RORA: variants seen among roughly 807,000 people sequenced by gnomAD.
The protein encoded by RORA is RAR related orphan receptor A.
RORA carries 7 observed loss-of-function variants against 69.5 expected under a neutral mutation model. The ratio of observed to expected loss-of-function variants is 0.10; its 90% CI spans 0.06 to 0.19. The LOEUF (loss-of-function observed/expected upper bound fraction) is 0.19, where lower values mean the gene tolerates loss of function less well. Among genes scored for constraint, RORA ranks in the 10% least tolerant of loss-of-function variants. The pLI, the probability that RORA is intolerant of heterozygous loss-of-function variation, is 1.00. For missense variants in RORA, 457 were observed against 663.0 expected (o/e 0.69, Z 3.41); for synonymous variants, 261 against 240.8 (o/e 1.08, Z -0.78).
chr15:60,892,651 T>C (rs930316067), intron 1 of RORA, among the ~76,000 whole-genome samples: 2 of 152,322 alleles, frequency 1.3e-5, no homozygotes, highest in South Asian at 2.1e-4. Context: ...GTAGAGGAAG[T>C]TGAAGCCACA....
intron 2 of RORA, among the ~76,000 whole-genome samples, chr15:60,560,281 G>A (rs2067493074): frequency 6.6e-6 from 1 of 151,942 alleles, no homozygotes; most frequent in Non-Finnish European, 1.5e-5. Context: ...GTGTTCTCAA[G>A]AATGCTTTCT....
At chr15:60,612,195 C>T (rs28744635) in intron 2 of RORA, among the ~76,000 whole-genome samples, 55,833 of 152,074 alleles carry the variant, frequency 0.37, 10,454 homozygotes, top group African/African-American at 0.44. Context: ...AGGGCCAGGA[C>T]TGGCCAGCAA....
intron 1 of RORA, among the ~76,000 whole-genome samples, chr15:60,940,411 T>C (rs1235422047): frequency 6.6e-6 from 1 of 152,254 alleles, no homozygotes; most frequent in Non-Finnish European, 1.5e-5. Context: ...AAAAAGAATA[T>C]GTATTATATT....
At chr15:60,597,022 C>CTG (rs1341917779) in intron 2 of RORA, among the ~76,000 whole-genome samples, 2 of 152,152 alleles carry the variant, frequency 1.3e-5, no homozygotes, top group Non-Finnish European at 2.9e-5. Context: ...ATCAGCTGAC[C>CTG]TGTGCTCTGA....
intron 1 of RORA, among the ~76,000 whole-genome samples, chr15:60,989,339 GTCTT>G (rs1205673215): frequency 6.6e-6 from 1 of 152,136 alleles, no homozygotes; most frequent in Non-Finnish European, 1.5e-5. Flanking sequence ...TTTGTGTATG[GTCTT>G]TCTTTTAGCT....
intron 1 of RORA, among the ~76,000 whole-genome samples, chr15:61,023,207 A>AC (rs1895633246): frequency 6.6e-6 from 1 of 151,164 alleles, no homozygotes; most frequent in Non-Finnish European, 1.5e-5. Flanking sequence ...AAAAAAAAAA[A>AC]AAAACTGACA....
intron 1 of RORA, among the ~76,000 whole-genome samples, chr15:61,125,433 C>T (rs909454169): frequency 2.4e-4 from 36 of 152,070 alleles, no homozygotes; most frequent in African/African-American, 8.0e-4. Context: ...TCCACTAACC[C>T]GACAAAAAGA....
intron 1 of RORA, among the ~76,000 whole-genome samples, chr15:61,167,235 AT>A (rs987084921): frequency 4.0e-5 from 6 of 151,656 alleles, no homozygotes; most frequent in South Asian, 4.2e-4. Flanking sequence ...ACTTTAAAAG[AT>A]TTTTTTTTCC....
chr15:60,942,079 T>C (rs1018959805), intron 1 of RORA, among the ~76,000 whole-genome samples: 4 of 152,092 alleles, frequency 2.6e-5, no homozygotes, highest in Non-Finnish European at 4.4e-5. Context: ...TTCCCCCTAA[T>C]TTTTTAAAAA....
intron 2 of RORA, among the ~76,000 whole-genome samples, chr15:60,640,263 T>C (rs1235091056): frequency 6.6e-6 from 1 of 152,184 alleles, no homozygotes; most frequent in Non-Finnish European, 1.5e-5. Flanking sequence ...TGGACATCAG[T>C]TGCATCTCTC....
chr15:60,952,592 G>A (rs892707389), intron 1 of RORA, among the ~76,000 whole-genome samples: 27 of 152,296 alleles, frequency 1.8e-4, no homozygotes, highest in Non-Finnish European at 3.7e-4. Flanking sequence ...CTTCAGCAAA[G>A]TCTCAGGATA....
At chr15:60,636,900 T>C (rs984696055) in intron 2 of RORA, among the ~76,000 whole-genome samples, 7 of 152,088 alleles carry the variant, frequency 4.6e-5, no homozygotes, top group Non-Finnish European at 8.8e-5. Flanking sequence ...CATGTGTTTA[T>C]TAATTCTTTA....
intron 1 of RORA, among the ~76,000 whole-genome samples, chr15:60,681,072 A>T (rs1301586414): frequency 6.6e-6 from 1 of 152,238 alleles, no homozygotes; most frequent in Non-Finnish European, 1.5e-5. Context: ...TTAATGAAAA[A>T]AATCAGAAAA....
chr15:60,949,628 A>C (rs1189815791), intron 1 of RORA, among the ~76,000 whole-genome samples: 1 of 152,238 alleles, frequency 6.6e-6, no homozygotes, highest in East Asian at 1.9e-4. Context: ...GAATTGAGAG[A>C]AAGCTTCCTA....
chr15:60,509,580 G>A (rs2065625629), intron 5 of RORA, among the ~76,000 whole-genome samples: 1 of 152,188 alleles, frequency 6.6e-6, no homozygotes, highest in South Asian at 2.1e-4. Context: ...TTTCAGGATT[G>A]AATATTTGAC....
At position 60,502,694 on chromosome 15, in the gene RORA, T is replaced by C. The variant is rs149278931; in HGVS notation, c.1183+66A>G. The C allele has an allele frequency of 2.6e-5, 26 of 985,686 alleles. No individual in the cohort carries two copies. The African/African-American group carries it at 3.8e-4, about 14-fold the overall frequency. 61.1% of individuals were successfully genotyped at this position (985,686 alleles called of 1,614,324 possible). A position where few individuals can be genotyped will look rare whatever the true frequency, so the allele number is the denominator to read the frequency against. ...GTTTTCATTTTGTCCAAGCAGAGCT[T>C]TCACTCAACCCGCATCTTTTCCTAT... On this transcript the variant is annotated intron_variant, in intron 8 of 10. Coordinates refer to ENST00000335670, the MANE Select transcript of RORA (RefSeq NM_134261.3).
intron 1 of RORA, among the ~76,000 whole-genome samples, chr15:60,716,957 G>A (rs939231680): frequency 1.8e-4 from 27 of 152,082 alleles, no homozygotes; most frequent in African/African-American, 6.5e-4. Flanking sequence ...GAGTTCTTTA[G>A]ACTACTTCAG....
intron 1 of RORA, among the ~76,000 whole-genome samples, chr15:60,976,546 G>A (rs771936758): frequency 6.6e-6 from 1 of 152,136 alleles, no homozygotes; most frequent in Non-Finnish European, 1.5e-5. Flanking sequence ...AATTCTGCCA[G>A]TTTGATCAGA....
intron 1 of RORA, among the ~76,000 whole-genome samples, chr15:61,182,780 A>T (rs2079699797): frequency 6.6e-6 from 1 of 152,236 alleles, no homozygotes; most frequent in African/African-American, 2.4e-5. Flanking sequence ...CGATGGCATG[A>T]CACAATATAC....
Sources: allele counts gnomAD v4.1 joint callset (sites outside exome capture counted in the v4.1 genomes callset), GRCh38; gene constraint gnomAD v4.1.1; transcripts MANE v1.5; gene names NCBI Gene and HGNC (gene_info 2026-07-23, HGNC 2026-07-21).